Variants in CD247 observed in about 807,000 individuals in gnomAD.
CD247 encodes CD247 molecule, also known as T-cell surface glycoprotein CD3 zeta chain.
Under a neutral mutation model 30.0 loss-of-function variants are expected in CD247, and 13 were observed. The observed-to-expected ratio is 0.43, with a 90% confidence interval of 0.28 to 0.69. CD247 has a LOEUF of 0.69. Ranked by LOEUF, CD247 falls within the 30% of genes least tolerant of loss-of-function variation. The probability of loss-of-function intolerance (pLI) is 0.16; values close to 1 mark genes in which losing one functional copy is unlikely to be tolerated. For synonymous variants in CD247, 72 were observed against 80.0 expected (o/e 0.90, Z 0.53); for missense variants, 193 against 212.6 (o/e 0.91, Z 0.57).
At chr1:167,450,923 A>AAAAG (rs1553230237) in intron 1 of CD247, among the ~76,000 whole-genome samples, 4 of 151,312 alleles carry the variant, frequency 2.6e-5, no homozygotes, top group African/African-American at 7.3e-5. Flanking sequence ...AAAAAAAAAA[A>AAAAG]AAAAGAAAAG....
At chr1:167,461,288 G>T (rs1343574852) in intron 1 of CD247, among the ~76,000 whole-genome samples, 1 of 152,210 alleles carries the variant, frequency 6.6e-6, no homozygotes, top group African/African-American at 2.4e-5. Context: ...CTGGACCCAG[G>T]GATAAATGAG....
At chr1:167,455,521 C>T (rs1319143101) in intron 1 of CD247, among the ~76,000 whole-genome samples, 1 of 152,212 alleles carries the variant, frequency 6.6e-6, no homozygotes, top group Admixed American at 6.5e-5. Flanking sequence ...TTGCCGCCAG[C>T]CGCGGCTCCC....
At chr1:167,518,032 C>T (rs1297249266) in intron 1 of CD247, among the ~76,000 whole-genome samples, 1 of 152,182 alleles carries the variant, frequency 6.6e-6, no homozygotes, top group Non-Finnish European at 1.5e-5. Context: ...CGTCGCAGCA[C>T]GAAACATGGC....
At chr1:167,483,015 T>TC (rs201265842) in intron 1 of CD247, among the ~76,000 whole-genome samples, 5,631 of 128,556 alleles carry the variant, frequency 0.044, 150 homozygotes, top group Admixed American at 0.077. Flanking sequence ...TTTCTTTCTT[T>TC]TTTTTTTTTT....
In CD247 at chr1:167,431,592, G is replaced by T; in HGVS notation, c.*89C>A. 1 of 1,068,126 alleles carries T rather than the reference G, an allele frequency of 9.4e-7. No homozygotes were observed. The highest frequency in any genetic ancestry group is 1.2e-5 in the South Asian group (1 of 80,086). 66.2% of individuals were successfully genotyped at this position (1,068,126 alleles called of 1,614,324 possible). A position where few individuals can be genotyped will look rare whatever the true frequency, so the allele number is the denominator to read the frequency against. On this transcript the variant is annotated 3_prime_UTR_variant, in exon 8 of 8. Transcript: ENST00000362089. ...AGGGGAATACTTCAGTGGCTGAGAA[G>T]AGTGAACCGGGTTGTAAATGCTTCA...
At chr1:167,496,618 C>G (rs1023516017) in intron 1 of CD247, among the ~76,000 whole-genome samples, 10 of 152,084 alleles carry the variant, frequency 6.6e-5, no homozygotes, top group Admixed American at 2.6e-4. Context: ...CTGGCTGGGC[C>G]AAGAGAGAAA....
Position 167,455,624 on chromosome 1 carries a change from G to T in CD247, c.59-14857C>A, listed in dbSNP as rs532267665. Among the ~76,000 whole-genome samples, 3 of 152,274 alleles carry T rather than the reference G, an allele frequency of 2.0e-5. No homozygotes were observed. In the South Asian group the frequency reaches 6.2e-4, roughly 32 times the overall value. ...TCGAGCGCTGCCATCCAGGGCCCGG[G>T]TTATCGCGCGTGATCTCCCATCTGA... On this transcript the variant is annotated intron_variant, in intron 1 of 7. Coordinates refer to ENST00000362089, the MANE Select transcript of CD247 (RefSeq NM_198053.3).
At chr1:167,486,032 C>A (rs1262828489) in intron 1 of CD247, among the ~76,000 whole-genome samples, 1 of 152,222 alleles carries the variant, frequency 6.6e-6, no homozygotes, top group African/African-American at 2.4e-5. Context: ...CATCCACACA[C>A]CACTCTGACC....
At chr1:167,507,937 C>T (rs574159942) in intron 1 of CD247, among the ~76,000 whole-genome samples, 1 of 152,158 alleles carries the variant, frequency 6.6e-6, no homozygotes, top group Non-Finnish European at 1.5e-5. Context: ...TCTGAGGAAG[C>T]TATGGTCTGA....
In CD247 at chr1:167,506,961, A is replaced by T. The variant is rs376487665; in HGVS notation, c.58+11447T>A. Among the ~76,000 whole-genome samples the T allele has an allele frequency of 4.0e-4, 51 of 127,414 alleles. No individual in the cohort carries two copies. In the East Asian group the frequency reaches 0.011, roughly 28 times the overall value. The allele number at this position is 127,414 out of a possible 152,430, so 83.6% of individuals were successfully genotyped here. ...GCCCAGGCTGGAGTGCAATGGTGTG[A>T]TCTTGGCTCACGGCAACCCCTGCAT... On this transcript the variant is annotated intron_variant, in intron 1 of 7. Coordinates refer to ENST00000362089, the MANE Select transcript of CD247 (RefSeq NM_198053.3).
At chr1:167,498,830 T>C (rs554344825) in intron 1 of CD247, among the ~76,000 whole-genome samples, 2 of 151,806 alleles carry the variant, frequency 1.3e-5, no homozygotes, top group African/African-American at 4.9e-5. Context: ...TAGACAGAAA[T>C]GCAGATGGCG....
chr1:167,433,083 G>A (rs1448933215), intron 6 of CD247, 24 bp from the exon 7 acceptor site: 3 of 1,613,826 alleles, frequency 1.9e-6, no homozygotes, highest in Admixed American at 1.7e-5. Context: ...AGTGAAATGA[G>A]AAAAGGATTA....
chr1:167,451,001 G>T (rs564471861), intron 1 of CD247, among the ~76,000 whole-genome samples: 2 of 152,120 alleles, frequency 1.3e-5, no homozygotes, highest in African/African-American at 4.8e-5. Context: ...GATGTCTCCT[G>T]TTTTTCACAG....
At chr1:167,449,149 C>CTTTTTTTTTTTTTTTTTTT (rs71097676) in intron 1 of CD247, among the ~76,000 whole-genome samples, 11 of 66,406 alleles carry the variant, frequency 1.7e-4, no homozygotes, top group South Asian at 6.5e-4. Context: ...TTTTTCTTTT[C>CTTTTTTTTTTTTTTTTTTT]TTTTTTTTTT....
intron 1 of CD247, among the ~76,000 whole-genome samples, chr1:167,475,569 G>T (rs1238681096): frequency 6.6e-6 from 1 of 152,174 alleles, no homozygotes; most frequent in Non-Finnish European, 1.5e-5. Context: ...GTCACCAAAA[G>T]AAAGAGCAGG....
intron 1 of CD247, among the ~76,000 whole-genome samples, chr1:167,506,566 T>C (rs1655145051): frequency 6.6e-6 from 1 of 151,834 alleles, no homozygotes; most frequent in Non-Finnish European, 1.5e-5. Context: ...AAGAGACAGG[T>C]TTTTGCTATG....
At chr1:167,466,269 A>G (rs1653241115) in intron 1 of CD247, among the ~76,000 whole-genome samples, 1 of 152,180 alleles carries the variant, frequency 6.6e-6, no homozygotes. Context: ...AAACAGAAGA[A>G]TTCCTCCCCC....
At chr1:167,463,071 G>A (rs1653093415) in intron 1 of CD247, among the ~76,000 whole-genome samples, 1 of 152,152 alleles carries the variant, frequency 6.6e-6, no homozygotes, top group South Asian at 2.1e-4. Context: ...TCTGGAGGAT[G>A]GGCAGTCGCC....
chr1:167,461,020 C>T (rs1294100260), intron 1 of CD247, among the ~76,000 whole-genome samples: 1 of 152,226 alleles, frequency 6.6e-6, no homozygotes, highest in Non-Finnish European at 1.5e-5. Context: ...GAGCATTCGC[C>T]TATGACGTAC....
Sources: gnomAD v4.1 joint callset for allele counts (sites outside exome capture counted in the v4.1 genomes callset) on GRCh38, gnomAD v4.1.1 for gene constraint, MANE v1.5 for transcripts, NCBI Gene and HGNC (gene_info 2026-07-23, HGNC 2026-07-21) for gene names.